Variants in LNP1 observed in about 807,000 individuals in gnomAD.
LNP1 encodes leukemia NUP98 fusion partner 1.
In LNP1, 12 loss-of-function variants were observed where a neutral mutation model predicts 14.5. The observed-to-expected ratio is 0.83, with a 90% CI of 0.53 to 1.34. The LOEUF is 1.34. Ranked by LOEUF, LNP1 falls within the 40% of genes most tolerant of loss-of-function variation. The pLI is 0.00. For missense variants in LNP1, 198 were observed against 210.9 expected, an observed-to-expected ratio of 0.94 and a Z score of 0.38; for synonymous variants, 75 against 71.4, an observed-to-expected ratio of 1.05 and a Z score of -0.26.
chr3:100,410,434 T>G (rs1559839470), intron 1 of LNP1, among the ~76,000 whole-genome samples: 1 of 152,178 alleles, frequency 6.6e-6, no homozygotes, highest in East Asian at 1.9e-4. Context: ...GGCTGCATTG[T>G]GTCCTAGTGT....
chr3:100,438,764 AG>A (rs1446795604), intron 2 of LNP1, among the ~76,000 whole-genome samples: 1 of 152,158 alleles, frequency 6.6e-6, no homozygotes, highest in East Asian at 1.9e-4. Flanking sequence ...TTTCCCTCAC[AG>A]TCAGTGCCTG....
chr3:100,455,342 C>G (rs1707500356), intron 3 of LNP1, among the ~76,000 whole-genome samples: 1 of 152,166 alleles, frequency 6.6e-6, no homozygotes, highest in Admixed American at 6.5e-5. Flanking sequence ...TTCATTCTTC[C>G]CACAGTCCTC....
At chr3:100,454,634 T>C (rs1707491806) in intron 3 of LNP1, among the ~76,000 whole-genome samples, 1 of 152,240 alleles carries the variant, frequency 6.6e-6, no homozygotes, top group Non-Finnish European at 1.5e-5. Context: ...AATTTTCACA[T>C]TTAGCATCTA....
chr3:100,421,562 A>G (rs1487356412), intron 1 of LNP1, among the ~76,000 whole-genome samples: 1 of 152,164 alleles, frequency 6.6e-6, no homozygotes, highest in Non-Finnish European at 1.5e-5. Flanking sequence ...TGTTATATAA[A>G]TATATCGTAA....
intron 1 of LNP1, among the ~76,000 whole-genome samples, chr3:100,419,235 CA>C (rs1398489468): frequency 6.6e-6 from 1 of 152,176 alleles, no homozygotes; most frequent in African/African-American, 2.4e-5. Flanking sequence ...ACCTCTAACT[CA>C]ACAGCATTTT....
intron 1 of LNP1, among the ~76,000 whole-genome samples, chr3:100,420,517 A>T (rs1029222776): frequency 1.3e-5 from 2 of 151,894 alleles, no homozygotes; most frequent in African/African-American, 4.8e-5. Flanking sequence ...GGGTCTCCCT[A>T]TGTTGCCTAG....
intron 1 of LNP1, among the ~76,000 whole-genome samples, 158 bp from the exon 2 acceptor site, chr3:100,429,539 T>A (rs1425249155): frequency 6.6e-6 from 1 of 152,330 alleles, no homozygotes; most frequent in East Asian, 1.9e-4. Context: ...TGCCCAAGGC[T>A]GCCTGATGAT....
At chr3:100,451,313 C>T (rs530338981) in intron 2 of LNP1, among the ~76,000 whole-genome samples, 2 of 152,164 alleles carry the variant, frequency 1.3e-5, no homozygotes, top group East Asian at 3.9e-4. Context: ...AACATTGGTT[C>T]GATTTGAAAA....
chr3:100,429,932 G>T (rs371108125), intron 2 of LNP1, 47 bp downstream of exon 2: 129 of 1,567,174 alleles, frequency 8.2e-5, no homozygotes, highest in Middle Eastern at 4.0e-4. Flanking sequence ...AATAGGGGAG[G>T]GGGTTTCTCT....
At chr3:100,423,340 T>C (rs1363657207) in intron 1 of LNP1, among the ~76,000 whole-genome samples, 1 of 152,090 alleles carries the variant, frequency 6.6e-6, no homozygotes, top group African/African-American at 2.4e-5. Flanking sequence ...AACAACGGCA[T>C]GGCACTGGGA....
chr3:100,447,054 A>C (rs868562613), intron 2 of LNP1, among the ~76,000 whole-genome samples: 2 of 152,218 alleles, frequency 1.3e-5, no homozygotes, highest in African/African-American at 4.8e-5. Context: ...TTCCTCAAGG[A>C]TCTAGAACTA....
chr3:100,432,417 T>A, intron 2 of LNP1, among the ~76,000 whole-genome samples: 1 of 152,118 alleles, frequency 6.6e-6, no homozygotes, highest in East Asian at 1.9e-4. Context: ...AGCCAAACAT[T>A]GTCCGAGTAT....
At chr3:100,437,341 A>G (rs1707302510) in intron 2 of LNP1, among the ~76,000 whole-genome samples, 1 of 152,220 alleles carries the variant, frequency 6.6e-6, no homozygotes, top group Admixed American at 6.5e-5. Flanking sequence ...ATAAGCTCAC[A>G]GGAGTTTCTT....
At chr3:100,410,002 C>CTAT (rs879293999) in intron 1 of LNP1, among the ~76,000 whole-genome samples, 5 of 142,096 alleles carry the variant, frequency 3.5e-5, no homozygotes, top group Admixed American at 2.1e-4. Flanking sequence ...TATCTATCTA[C>CTAT]CTATTTTATC....
At chr3:100,409,792 A>G (rs1462792827) in intron 1 of LNP1, among the ~76,000 whole-genome samples, 2 of 150,822 alleles carry the variant, frequency 1.3e-5, no homozygotes, top group East Asian at 3.9e-4. Flanking sequence ...ACGGGGTTTC[A>G]CCATATTGGC....
Position 100,436,863 on chromosome 3 carries a change from C to T in LNP1, c.156+6978C>T, listed in dbSNP as rs185395592. ...GGTCCTGGCCTAATGGGATTAATAT[C>T]CTTAGAAGAAGAGACATCAGAGAGC... On this transcript the variant is annotated intron_variant, in intron 2 of 3. Coordinates refer to ENST00000383693, the MANE Select transcript of LNP1 (RefSeq NM_001085451.2). Among the ~76,000 whole-genome samples, 521 of 152,224 alleles carry T rather than the reference C, an allele frequency of 3.4e-3. 3 individuals are homozygous for T. Among genetic ancestry groups the T allele is most frequent in the Admixed American group, 5.4e-3 (82 of 15,288 alleles).
chr3:100,417,371 C>CTTTTTTTTTTTTTTTTTTTTTTTTTTTT (rs562000656), intron 1 of LNP1, among the ~76,000 whole-genome samples: 4 of 64,628 alleles, frequency 6.2e-5, no homozygotes, highest in East Asian at 5.1e-4. Context: ...TTTCTTTTTT[C>CTTTTTTTTTTTTTTTTTTTTTTTTTTTT]TTTTTTTTTT....
At position 100,451,613 on chromosome 3, in the gene LNP1, A is replaced by T. The variant is rs547029958; in HGVS notation, c.157-106A>T. 3 of 627,664 alleles carry T rather than the reference A, an allele frequency of 4.8e-6. No individual in the cohort carries two copies. In the East Asian group the frequency reaches 8.2e-5, roughly 17 times the overall value. The allele number at this position is 627,664 out of a possible 1,614,324, so 38.9% of individuals were successfully genotyped here. On this transcript the variant is annotated intron_variant, in intron 2 of 3. Transcript: ENST00000383693. ...TTTCCTTTCACAAAGATAATATATC[A>T]ATTCAACATGAGATTCATTTAGTTA...
intron 1 of LNP1, among the ~76,000 whole-genome samples, chr3:100,411,233 T>C (rs1053498448): frequency 6.6e-6 from 1 of 152,264 alleles, no homozygotes; most frequent in African/African-American, 2.4e-5. Context: ...GTCTATCCTA[T>C]GCCTTGTCCC....
Sources: gnomAD v4.1 joint callset for allele counts (sites outside exome capture counted in the v4.1 genomes callset) on GRCh38, gnomAD v4.1.1 for gene constraint, MANE v1.5 for transcripts, NCBI Gene and HGNC (gene_info 2026-07-23, HGNC 2026-07-21) for gene names.